Variants in ARHGAP6 observed in about 807,000 individuals in gnomAD.
ARHGAP6 encodes the protein Rho GTPase activating protein 6.
Under a neutral mutation model 55.7 loss-of-function variants are expected in ARHGAP6, and 16 were observed. The observed-to-expected ratio is 0.29, with a 90% CI of 0.19 to 0.44. ARHGAP6 has a LOEUF of 0.44. Ranked by LOEUF, ARHGAP6 falls within the 20% of genes least tolerant of loss-of-function variation. The pLI, the probability that ARHGAP6 is intolerant of heterozygous loss-of-function variation, is 1.00. For synonymous variants in ARHGAP6, 382 were observed against 360.9 expected, an observed-to-expected ratio of 1.06 and a Z score of -0.66; for missense variants, 698 against 808.9, an observed-to-expected ratio of 0.86 and a Z score of 1.66.
intron 6 of ARHGAP6, among the ~76,000 whole-genome samples, chrX:11,180,188 G>A (rs766985262): frequency 2.7e-5 from 3 of 111,317 alleles, no homozygotes; most frequent in Non-Finnish European, 3.8e-5. Flanking sequence ...ATTATCACTT[G>A]CAGCAGCAAG....
chrX:11,629,286 C>T (rs2052334496), intron 1 of ARHGAP6, among the ~76,000 whole-genome samples: 1 of 111,575 alleles, frequency 9.0e-6, no homozygotes, highest in Non-Finnish European at 1.9e-5. Context: ...TCTTAGATAT[C>T]TGCCATCACT....
At chrX:11,592,656 A>G (rs1380017780) in intron 1 of ARHGAP6, among the ~76,000 whole-genome samples, 1 of 111,903 alleles carries the variant, frequency 8.9e-6, no homozygotes, top group African/African-American at 3.2e-5. Flanking sequence ...GATAAAATCC[A>G]CATGTACATA....
chrX:11,308,016 C>A (rs2048255662), intron 1 of ARHGAP6, among the ~76,000 whole-genome samples: 1 of 112,183 alleles, frequency 8.9e-6, no homozygotes, highest in Non-Finnish European at 1.9e-5. Context: ...CTAAATAATT[C>A]GTATATATTT....
chrX:11,633,298 T>TG (rs759475867), intron 1 of ARHGAP6, among the ~76,000 whole-genome samples: 1 of 112,716 alleles, frequency 8.9e-6, no homozygotes, highest in South Asian at 3.7e-4. Flanking sequence ...GTATTGGCTG[T>TG]GTGTCAATAC....
intron 1 of ARHGAP6, among the ~76,000 whole-genome samples, chrX:11,266,358 A>G (rs2047628010): frequency 9.0e-6 from 1 of 111,313 alleles, no homozygotes; most frequent in African/African-American, 3.3e-5. Context: ...TGTTTAGGAC[A>G]AATTCTCAGT....
intron 1 of ARHGAP6, among the ~76,000 whole-genome samples, chrX:11,590,168 G>A (rs1211888426): frequency 1.8e-5 from 2 of 111,622 alleles, no homozygotes; most frequent in African/African-American, 6.5e-5. Flanking sequence ...GCGTGTATAT[G>A]GAGATTTTTA....
intron 2 of ARHGAP6, among the ~76,000 whole-genome samples, chrX:11,250,623 T>C (rs756925290): frequency 1.8e-5 from 2 of 111,625 alleles, no homozygotes; most frequent in Non-Finnish European, 3.8e-5. Context: ...TCATGGCCCC[T>C]TTCTCCATCT....
At chrX:11,623,799 C>T (rs1031450476) in intron 1 of ARHGAP6, among the ~76,000 whole-genome samples, 3 of 110,888 alleles carry the variant, frequency 2.7e-5, no homozygotes, top group African/African-American at 6.6e-5. Flanking sequence ...TAAAAATATC[C>T]ATCTTACCCA....
chrX:11,343,234 A>T (rs924014882), intron 1 of ARHGAP6, among the ~76,000 whole-genome samples: 1 of 112,331 alleles, frequency 8.9e-6, no homozygotes, highest in Non-Finnish European at 1.9e-5. Flanking sequence ...AGATGCGTTT[A>T]AAAATGTCTC....
In ARHGAP6 at chrX:11,641,016, T is replaced by C. The variant is rs761998536; in HGVS notation, c.588+23225A>G. ...TGTAAGTGACAGGGGCATGGGTGTT[T>C]AACAAATACTTGCTGGCACAGAGAT... On this transcript the variant is annotated intron_variant, in intron 1 of 12. Coordinates refer to ENST00000337414, the MANE Select transcript of ARHGAP6 (RefSeq NM_013427.3). Among the ~76,000 whole-genome samples, 12 of 111,201 alleles carry C rather than the reference T, an allele frequency of 1.1e-4. No individual in the cohort carries two copies. In the South Asian group the frequency reaches 4.6e-3, roughly 42 times the overall value.
chrX:11,141,940 C>T (rs1260324520), intron 12 of ARHGAP6, among the ~76,000 whole-genome samples: 2 of 112,076 alleles, frequency 1.8e-5, no homozygotes, highest in South Asian at 3.7e-4. Context: ...GTGGAATACC[C>T]CTGGCCCTTA....
intron 1 of ARHGAP6, among the ~76,000 whole-genome samples, chrX:11,361,690 A>G (rs1428834215): frequency 2.7e-5 from 3 of 111,441 alleles, no homozygotes; most frequent in African/African-American, 6.5e-5. Context: ...TGCACAGCAA[A>G]AGAAACTACC....
At chrX:11,158,811 C>T (rs1274147779) in intron 9 of ARHGAP6, among the ~76,000 whole-genome samples, 1 of 112,035 alleles carries the variant, frequency 8.9e-6, no homozygotes, top group Non-Finnish European at 1.9e-5. Context: ...TGAATGCTTC[C>T]TGAGTGCCAG....
At chrX:11,448,211 T>C (rs981462876) in intron 1 of ARHGAP6, among the ~76,000 whole-genome samples, 1 of 112,312 alleles carries the variant, frequency 8.9e-6, no homozygotes, top group African/African-American at 3.2e-5. Flanking sequence ...CAGCCTCCAA[T>C]CCTTCCTCCT....
chrX:11,146,387 GT>G (rs1317644652), intron 10 of ARHGAP6, among the ~76,000 whole-genome samples: 5 of 111,832 alleles, frequency 4.5e-5, no homozygotes, highest in Non-Finnish European at 9.4e-5. Flanking sequence ...GTGTCTCATA[GT>G]AGACACAGGC....
At chrX:11,506,105 G>A (rs1352944472) in intron 1 of ARHGAP6, among the ~76,000 whole-genome samples, 1 of 110,916 alleles carries the variant, frequency 9.0e-6, no homozygotes, top group Non-Finnish European at 1.9e-5. Flanking sequence ...CAACCTACAA[G>A]ACCCTCCTCC....
intron 1 of ARHGAP6, among the ~76,000 whole-genome samples, chrX:11,526,770 G>C (rs945758466): frequency 8.1e-5 from 9 of 111,441 alleles, no homozygotes; most frequent in Non-Finnish European, 1.5e-4. Context: ...TTCATATGCT[G>C]TTAGATGCTA....
At chrX:11,246,055 A>T (rs1175827451) in intron 2 of ARHGAP6, among the ~76,000 whole-genome samples, 1 of 111,251 alleles carries the variant, frequency 9.0e-6, no homozygotes, top group Admixed American at 9.6e-5. Flanking sequence ...TGGTGATTTT[A>T]CGTGTGGTAG....
intron 1 of ARHGAP6, among the ~76,000 whole-genome samples, chrX:11,548,291 G>T (rs1222372400): frequency 9.0e-6 from 1 of 111,224 alleles, no homozygotes; most frequent in Non-Finnish European, 1.9e-5. Context: ...CTAGTTTTTT[G>T]ACATATACAA....
Sources: allele counts gnomAD v4.1 joint callset (sites outside exome capture counted in the v4.1 genomes callset), GRCh38; gene constraint gnomAD v4.1.1; transcripts MANE v1.5; gene names NCBI Gene and HGNC (gene_info 2026-07-23, HGNC 2026-07-21).